UBE2E1: variants seen among roughly 807,000 people sequenced by gnomAD.
UBE2E1 encodes ubiquitin conjugating enzyme E2 E1.
Under a neutral mutation model 21.4 loss-of-function variants are expected in UBE2E1, and 6 were observed. The observed-to-expected ratio is 0.28, with a 90% CI of 0.15 to 0.55. The LOEUF (loss-of-function observed/expected upper bound fraction) is 0.55. Among genes scored for constraint, UBE2E1 ranks in the 20% least tolerant of loss-of-function variants. The pLI, the probability that UBE2E1 is intolerant of heterozygous loss-of-function variation, is 0.93. For missense variants in UBE2E1, 142 were observed against 236.5 expected, an observed-to-expected ratio of 0.60 and a Z score of 2.62; for synonymous variants, 87 against 82.7, an observed-to-expected ratio of 1.05 and a Z score of -0.28.
Position 23,887,491 on chromosome 3 carries a change from T to C in UBE2E1, c.204-76T>C. ...AACAAAAGAGAGGAGAGAGGTAATC[T>C]TTCCATCTCTTTTAATACACTGTAA... On this transcript the variant is annotated intron_variant, in intron 3 of 5. Transcript: ENST00000306627. The surrounding 1 kb of genome is among the most constrained non-coding windows in gnomAD (Gnocchi z 4.4). 7 of 1,493,200 alleles carry C rather than the reference T, an allele frequency of 4.7e-6. No homozygotes were observed. The highest frequency in any genetic ancestry group is 6.3e-6 in the Non-Finnish European group (7 of 1,119,524). 92.5% of individuals were successfully genotyped at this position (1,493,200 alleles called of 1,614,324 possible).
At position 23,836,506 on chromosome 3, in the gene UBE2E1, C is replaced by T. The variant is rs1283727519; in HGVS notation, c.203+24996C>T. Among the ~76,000 whole-genome samples, 1 of 152,132 alleles carries T rather than the reference C, an allele frequency of 6.6e-6. No individual in the cohort carries two copies. The highest frequency in any genetic ancestry group is 1.5e-5 in the Non-Finnish European group (1 of 68,038). ...AAGCAATAGAAGAGATGTGTGTGTT[C>T]CTCTGAAAACTGCAAGGTATTTCAG... On this transcript the variant is annotated intron_variant, in intron 3 of 5. Transcript: ENST00000306627. This position sits in a 1 kb window ranked among gnomAD's most constrained non-coding sequence, Gnocchi z 4.1.
rs181291064 is a variant in UBE2E1, at chr3:23,853,654, C to T, written c.204-33913C>T. On this transcript the variant is annotated intron_variant, in intron 3 of 5. Transcript: ENST00000306627. The surrounding 1 kb of genome is among the most constrained non-coding windows in gnomAD (Gnocchi z 4.1). ...GGAGAGTTGGAGGGGAGAGGAGACACTTGTCCCTCTTAACTTGTTTCTTGG... is the reference window on the plus strand; with the variant it reads ...GGAGAGTTGGAGGGGAGAGGAGACATTTGTCCCTCTTAACTTGTTTCTTGG... Among the ~76,000 whole-genome samples, 3 of 152,222 alleles carry T rather than the reference C, an allele frequency of 2.0e-5. No individual in the cohort carries two copies. Among genetic ancestry groups the T allele is most frequent in the Admixed American group, 2.0e-4 (3 of 15,294 alleles).
intron 3 of UBE2E1, among the ~76,000 whole-genome samples, chr3:23,839,519 A>G (rs1700041171): frequency 1.3e-5 from 2 of 151,996 alleles, no homozygotes; most frequent in South Asian, 4.2e-4. Context: ...TATTTTCCAC[A>G]CATTTATTAC....
At chr3:23,833,354 A>T (rs1373809314) in intron 3 of UBE2E1, among the ~76,000 whole-genome samples, 2 of 152,204 alleles carry the variant, frequency 1.3e-5, no homozygotes, top group African/African-American at 4.8e-5. Context: ...AATTTAATAG[A>T]CCTTCCCACT....
rs147774316 is a variant in UBE2E1, at chr3:23,883,313, GGTCA to G, written c.204-4249_204-4246del. On this transcript the variant is annotated intron_variant, in intron 3 of 5. Coordinates refer to ENST00000306627, the MANE Select transcript of UBE2E1 (RefSeq NM_003341.5). ...ACTTAGGTGACCTGAGGGCAAACCT[GGTCA>G]GTCATTTTATCGAGAAATAGGTGGG... Among the ~76,000 whole-genome samples, 156 of 152,236 alleles carry G rather than the reference GGTCA, an allele frequency of 1.0e-3. 1 individual carries two copies. The highest frequency in any genetic ancestry group is 3.3e-3 in the African/African-American group (138 of 41,538).
At position 23,841,561 on chromosome 3, in the gene UBE2E1, A is replaced by G. The variant is rs139932233; in HGVS notation, c.203+30051A>G. Among the ~76,000 whole-genome samples the G allele has an allele frequency of 5.9e-3, 897 of 152,334 alleles. 8 individuals carry two copies. Among genetic ancestry groups the G allele is most frequent in the Non-Finnish European group, 0.01 (691 of 68,032 alleles). On this transcript the variant is annotated intron_variant, in intron 3 of 5. Coordinates refer to ENST00000306627, the MANE Select transcript of UBE2E1 (RefSeq NM_003341.5). ...GTTAGAGATTGCATTTCTACTTTCC[A>G]TGAATTCTGTTGGATTTGCAGATAA...
chr3:23,884,242 T>G (rs933114046), intron 3 of UBE2E1, among the ~76,000 whole-genome samples: 7 of 150,042 alleles, frequency 4.7e-5, no homozygotes, highest in East Asian at 1.9e-4. Flanking sequence ...ATTAGAGAGA[T>G]AGCAATCTTA....
At chr3:23,871,141 A>G (rs1208081208) in intron 3 of UBE2E1, among the ~76,000 whole-genome samples, 5 of 152,222 alleles carry the variant, frequency 3.3e-5, no homozygotes, top group African/African-American at 9.6e-5. Context: ...CCCTCTTTCT[A>G]TTCCACAAAA....
In UBE2E1 at chr3:23,879,677, G is replaced by A. The variant is rs185830314; in HGVS notation, c.204-7890G>A. Among the ~76,000 whole-genome samples the A allele has an allele frequency of 9.8e-5, 15 of 152,350 alleles. No homozygotes were observed. In the East Asian group the frequency reaches 1.5e-3, roughly 16 times the overall value. On this transcript the variant is annotated intron_variant, in intron 3 of 5. Transcript: ENST00000306627. ...CGTGGGCACCAGGGAGGCCTGGGCC[G>A]CGGCGGAGGACAGGGCACCAGGTGG...
chr3:23,889,481 A>G, intron 5 of UBE2E1: 1 of 1,383,718 alleles, frequency 7.2e-7, no homozygotes, highest in South Asian at 1.8e-5. Context: ...TAAACTGAAG[A>G]CTGACGTAAG....
rs116512983 is a variant in UBE2E1 at position 23,838,116 on chromosome 3, A to G, written c.203+26606A>G. 6.9e-3 allele frequency among the ~76,000 whole-genome samples: 1,044 copies of G among 152,122 alleles called. 14 individuals are homozygous for G. The highest frequency in any genetic ancestry group is 0.024 in the African/African-American group (990 of 41,510). Reference sequence around the variant, plus strand: ...AAGGTCTTGTTCTGTTGCCCAGGCTATAGTGCAGTGGCACAATTACAGCCT... The same window carrying G: ...AAGGTCTTGTTCTGTTGCCCAGGCTGTAGTGCAGTGGCACAATTACAGCCT... On this transcript the variant is annotated intron_variant, in intron 3 of 5. Transcript: ENST00000306627.
chr3:23,841,200 G>C (rs1700077695), intron 3 of UBE2E1, among the ~76,000 whole-genome samples: 1 of 152,036 alleles, frequency 6.6e-6, no homozygotes, highest in Admixed American at 6.6e-5. Context: ...TCATGAGCGA[G>C]GAAAAAAATT....
chr3:23,846,478 C>G (rs1295907953), intron 3 of UBE2E1, among the ~76,000 whole-genome samples: 2 of 152,048 alleles, frequency 1.3e-5, no homozygotes, highest in African/African-American at 4.8e-5. Flanking sequence ...GGGCAGATCA[C>G]CTGAGGTCAG....
At chr3:23,840,857 G>A (rs1372139518) in intron 3 of UBE2E1, among the ~76,000 whole-genome samples, 2 of 152,146 alleles carry the variant, frequency 1.3e-5, no homozygotes, top group Non-Finnish European at 2.9e-5. Context: ...GCGATTGTAG[G>A]TCTCAATATA....
chr3:23,847,187 A>G (rs953842878), intron 3 of UBE2E1, among the ~76,000 whole-genome samples: 2 of 152,180 alleles, frequency 1.3e-5, no homozygotes, highest in African/African-American at 4.8e-5. Context: ...GCATAAACCA[A>G]GATTGTCTTG....
chr3:23,822,796 T>G (rs1699671512), intron 3 of UBE2E1, among the ~76,000 whole-genome samples: 1 of 152,202 alleles, frequency 6.6e-6, no homozygotes, highest in African/African-American at 2.4e-5. Context: ...CATAAGTTAC[T>G]CATCATATTT....
rs1487704271 is a variant in UBE2E1 at position 23,808,082 on chromosome 3, TC to T, written c.152+662del. Among the ~76,000 whole-genome samples the T allele has an allele frequency of 1.3e-5, 2 of 152,242 alleles. No homozygotes were observed. Among genetic ancestry groups the T allele is most frequent in the Non-Finnish European group, 2.9e-5 (2 of 68,046 alleles). ...AATTTCAGGGAGACTTGTCTTTTTT[TC>T]ATGCTATTTGCTGTCCTCATGCTGT... On this transcript the variant is annotated intron_variant, in intron 2 of 5. Coordinates refer to ENST00000306627, the MANE Select transcript of UBE2E1 (RefSeq NM_003341.5). The surrounding 1 kb of genome is among the most constrained non-coding windows in gnomAD (Gnocchi z 4.9).
intron 3 of UBE2E1, chr3:23,866,337 C>T (rs1700656345): frequency 6.6e-6 from 1 of 152,290 alleles, no homozygotes; most frequent in Non-Finnish European, 1.5e-5. Context: ...ATTGTATCCT[C>T]AGGCAGGGGT....
intron 3 of UBE2E1, among the ~76,000 whole-genome samples, chr3:23,855,003 C>A (rs1193840616): frequency 6.6e-6 from 1 of 152,084 alleles, no homozygotes; most frequent in Non-Finnish European, 1.5e-5. Context: ...TACTTTAGAG[C>A]CGTAATTATT....
Sources: gnomAD v4.1 joint callset for allele counts (sites outside exome capture counted in the v4.1 genomes callset) on GRCh38, gnomAD v4.1.1 for gene constraint, Gnocchi (gnomAD v3.1) non-coding constraint, MANE v1.5 for transcripts, NCBI Gene and HGNC (gene_info 2026-07-23, HGNC 2026-07-21) for gene names.